POLG: variants seen among roughly 807,000 people sequenced by gnomAD.
The protein encoded by POLG is DNA polymerase subunit gamma-1.
In POLG, 110 loss-of-function variants were observed where a neutral mutation model predicts 155.4. The ratio of observed to expected loss-of-function variants is 0.71; its 90% CI spans 0.61 to 0.83. The LOEUF is 0.83. Ranked by LOEUF, POLG falls within the 40% of genes least tolerant of loss-of-function variation. The probability of loss-of-function intolerance (pLI) is 0.00; values close to 1 mark genes in which losing one functional copy is unlikely to be tolerated. For synonymous variants in POLG, 701 were observed against 631.5 expected (o/e 1.11, Z -1.65); for missense variants, 1,685 against 1,627.5 (o/e 1.04, Z -0.61).
In POLG at chr15:89,316,393, C is replaced by CT. The variant is rs1567182484; in HGVS notation, c.*357dup. The stretch of plus-strand genomic sequence containing the variant: ...GTTAGAGCATTAATTCTTTCCCCTT[C>CT]TAGGGCACTGCATCAGAGCATGGGG... On this transcript the variant is annotated 3_prime_UTR_variant, in exon 23 of 23. Transcript: ENST00000268124. 1 of 1,610,996 alleles carries CT rather than the reference C, an allele frequency of 6.2e-7. No individual in the cohort carries two copies. The highest frequency in any genetic ancestry group is 8.5e-7 in the Non-Finnish European group (1 of 1,178,248).
chr15:89,334,647 T>TCCCCGCCGCCGA (rs1209722587), intron 1 of POLG, 26 bp downstream of exon 1: 1 of 152,480 alleles, frequency 6.6e-6, no homozygotes, highest in South Asian at 2.1e-4. Flanking sequence ...CGACCCGGCC[T>TCCCCGCCGCCGA]CCCCGCCGCC....
Position 89,326,920 on chromosome 15 carries a change from T to A in POLG, c.1577A>T (p.Asp526Val). 6.2e-7 allele frequency: 1 copy of A among 1,614,116 alleles called. No homozygotes were observed. Among genetic ancestry groups the A allele is most frequent in the Non-Finnish European group, 8.5e-7 (1 of 1,180,012 alleles). Reference protein sequence around the residue: ...EGAGAPGDPMDQEDLGPCSEE... With the variant: ...EGAGAPGDPMVQEDLGPCSEE... ...CCACCCATGCTCCCCACCTTCCTGA[T>A]CCATGGGATCACCAGGGGCCCCAGC... Residue 526 changes from aspartate to valine, a missense_variant, in exon 8 of 23, where the codon GAT becomes GTT. Coordinates refer to ENST00000268124, the MANE Select transcript of POLG (RefSeq NM_002693.3).
At chr15:89,317,759 C>CA in intron 21 of POLG, 1 of 477,318 alleles carries the variant, frequency 2.1e-6, no homozygotes, top group Non-Finnish European at 3.8e-6. Context: ...ACTCAACATA[C>CA]TTTTTTTTTT....
Position 89,325,279 on chromosome 15 carries a change from AG to A in POLG, c.1949+170del, listed in dbSNP as rs1567190061. On this transcript the variant is annotated intron_variant, in intron 10 of 22. Coordinates refer to ENST00000268124, the MANE Select transcript of POLG (RefSeq NM_002693.3). ...GAGAGTGAGTGAGTGAGTGAGAGAGAGAGAAAGAGAGAGAGAGAGGGTGTGT... is the reference window on the plus strand; with the variant it reads ...GAGAGTGAGTGAGTGAGTGAGAGAGAAGAAAGAGAGAGAGAGAGGGTGTGT... Among the ~76,000 whole-genome samples, 113 of 107,438 alleles carry A rather than the reference AG, an allele frequency of 1.1e-3. 44 individuals are homozygous for A. Among genetic ancestry groups the A allele is most frequent in the African/African-American group, 4.6e-3 (103 of 22,194 alleles). 70.5% of individuals were successfully genotyped at this position (107,438 alleles called of 152,430 possible).
intron 18 of POLG, among the ~76,000 whole-genome samples, 183 bp downstream of exon 18, chr15:89,320,583 T>G (rs1265297103): frequency 6.6e-6 from 1 of 152,224 alleles, no homozygotes; most frequent in African/African-American, 2.4e-5. Flanking sequence ...AGGCTGACTA[T>G]AAAGCAACCA....
intron 18 of POLG, among the ~76,000 whole-genome samples, chr15:89,320,048 C>T (rs3176221): frequency 1.3e-5 from 2 of 152,226 alleles, no homozygotes; most frequent in African/African-American, 2.4e-5. Context: ...GAGCCTTACC[C>T]GACCTCACTT....
In POLG at chr15:89,316,726, G is replaced by A; in HGVS notation, c.*25C>T. 1.9e-6 allele frequency: 3 copies of A among 1,587,114 alleles called. No individual in the cohort carries two copies. The highest frequency in any genetic ancestry group is 2.2e-5 in the South Asian group (2 of 90,578). On this transcript the variant is annotated 3_prime_UTR_variant, in exon 23 of 23. Transcript: ENST00000268124. ...ACCACCCCGATGAAGCTCCACGGGA[G>A]CAAATACAGAGCCTCCAGGCAGTGC...
chr15:89,322,827 C>T lies in POLG; in HGVS notation c.2341G>A (p.Ala781Thr), dbSNP rs575660501. The change falls in exon 14 of 23, where the codon GCT becomes ACT. Residue 781 changes from alanine (A) to threonine (T), a missense_variant. By Grantham distance (58) the Ala-to-Thr change is moderately conservative. This residue lies in a region of POLG where 1,210 missense variants were observed against 1,167.1 expected (regional missense o/e 1.04). Coordinates refer to ENST00000268124, the MANE Select transcript of POLG (RefSeq NM_002693.3). ...GGCCCACTGGCACCTCCTGGGCCAG[C>T]CTGCAGGGTGCCATCCTCCATCTTG... ...LPKMEDGTLQ[A>T]GPGGASGPRA... The T allele has an allele frequency of 2.0e-5, 32 of 1,614,056 alleles. No homozygotes were observed. In the South Asian group the frequency reaches 3.2e-4, roughly 16 times the overall value.
In POLG at chr15:89,321,883, C is replaced by A. The variant is rs770109946; in HGVS notation, c.2481-30G>T. ...TGGGGTGCAGGGGAAGGAAATGGGT[C>A]TTAGCAGGGTGCTTTGGCCTTAGGA... is the stretch of plus-strand genomic sequence containing the variant. On this transcript the variant is annotated intron_variant, in intron 15 of 22. Transcript: ENST00000268124. The A allele has an allele frequency of 3.1e-6, 5 of 1,608,772 alleles. No homozygotes were observed. In the South Asian group the frequency reaches 4.4e-5, roughly 14 times the overall value.
chr15:89,320,748 T>C lies in POLG; in HGVS notation c.2981+18A>G. 6.2e-7 allele frequency: 1 copy of C among 1,611,732 alleles called. No homozygotes were observed. The highest frequency in any genetic ancestry group is 8.5e-7 in the Non-Finnish European group (1 of 1,179,822). On this transcript the variant is annotated intron_variant, in intron 18 of 22. Transcript: ENST00000268124. ...CTCGGGTCCTGGGTGTTAAAGTGGA[T>C]GGGAGAGGGACCCTCACCAGCGGAG... is the stretch of plus-strand genomic sequence containing the variant.
chr15:89,327,960 C>T (rs958153056), intron 6 of POLG, among the ~76,000 whole-genome samples: 5 of 152,100 alleles, frequency 3.3e-5, no homozygotes, highest in African/African-American at 1.2e-4. Context: ...GTATATAATA[C>T]GTATAACATA....
In POLG at chr15:89,333,599, C is replaced by G. The variant is rs587781117; in HGVS notation, c.156G>C (p.Gln52His). 1.9e-5 allele frequency: 26 copies of G among 1,343,820 alleles called. No homozygotes were observed. The highest frequency in any genetic ancestry group is 2.4e-5 in the Non-Finnish European group (23 of 977,356). The allele number at this position is 1,343,820 out of a possible 1,614,324, so 83.2% of individuals were successfully genotyped here. ...RQQQQQQQQQQQQQPQQPQVL... is the reference protein window; with the variant it reads ...RQQQQQQQQQHQQQPQQPQVL... ...CTTGCGGCTGCTGAGGCTGCTGTTG[C>G]TGCTGCTGCTGCTGCTGCTGCTGCT... Residue 52 changes from glutamine to histidine, a missense_variant, in exon 2 of 23, where the codon CAG becomes CAC. Physicochemically the swap from Gln to His is conservative, Grantham distance 24 (BLOSUM62 0). Around this residue, in one of 3 missense-constraint regions of POLG, gnomAD observed 1,210 missense variants for 1,167.1 expected, o/e 1.04. Transcript: ENST00000268124.
At chr15:89,325,047 AGTGAGT>A (rs2055455632) in intron 10 of POLG, among the ~76,000 whole-genome samples, 1 of 122,394 alleles carries the variant, frequency 8.2e-6, no homozygotes, top group African/African-American at 5.2e-5. Context: ...AGAGTGAGTG[AGTGAGT>A]GAGAGAGTGA....
At position 89,321,239 on chromosome 15, in the gene POLG, A is replaced by T. The variant is rs758402960; in HGVS notation, c.2620T>A (p.Leu874Met). The change falls in exon 17 of 23, where the codon TTG becomes ATG. Residue 874 changes from leucine to methionine, a missense_variant. Physicochemically the swap from Leu to Met is conservative, Grantham distance 15 (BLOSUM62 2). This residue lies in a region of POLG where 1,210 missense variants were observed against 1,167.1 expected (regional missense o/e 1.04). Coordinates refer to ENST00000268124, the MANE Select transcript of POLG (RefSeq NM_002693.3). ...GGTGGGGCCTGCACCATGGCTTTCA[A>T]CTCACTGCCTACTCGGTCAGGCTGT... is the stretch of plus-strand genomic sequence containing the variant. ...NARPDRVGSE[L>M]KAMVQAPPGY... 16 of 1,614,098 alleles carry T rather than the reference A, an allele frequency of 9.9e-6. No homozygotes were observed. The Middle Eastern group carries it at 5.0e-4, about 50-fold the overall frequency.
In POLG at chr15:89,318,531, C is replaced by T; in HGVS notation, c.3482+10G>A. 6.2e-7 allele frequency: 1 copy of T among 1,611,322 alleles called. No individual in the cohort carries two copies. Reference sequence around the variant, plus strand: ...ACATGGCCAGGCTAGAGGCCATGGGCCCCGCATACCTGGTCAAGAGGTTGG... The same window carrying T: ...ACATGGCCAGGCTAGAGGCCATGGGTCCCGCATACCTGGTCAAGAGGTTGG... On this transcript the variant is annotated intron_variant, in intron 21 of 22. Transcript: ENST00000268124.
chr15:89,323,691 G>T, intron 12 of POLG, 124 bp downstream of exon 12: 1 of 892,238 alleles, frequency 1.1e-6, no homozygotes, highest in Non-Finnish European at 1.9e-6. Context: ...CCTCCCAGGG[G>T]CAGGGTGGCA....
chr15:89,316,335 T>C lies in POLG; in HGVS notation c.*416A>G. ...AGATAGAGTCTTTTTTTTCCTTCTTTTTATTTCCACTGCCTTGGAGCAGGT... is the reference window on the plus strand; with the variant it reads ...AGATAGAGTCTTTTTTTTCCTTCTTCTTATTTCCACTGCCTTGGAGCAGGT... On this transcript the variant is annotated 3_prime_UTR_variant, in exon 23 of 23. Transcript: ENST00000268124. 3 of 1,521,614 alleles carry C rather than the reference T, an allele frequency of 2.0e-6. No homozygotes were observed. The highest frequency in any genetic ancestry group is 2.7e-6 in the Non-Finnish European group (3 of 1,113,072). 94.3% of individuals were successfully genotyped at this position (1,521,614 alleles called of 1,614,324 possible). A position where few individuals can be genotyped will look rare whatever the true frequency, so the allele number is the denominator to read the frequency against.
Position 89,323,831 on chromosome 15 carries a change from C to CCTGGCA in POLG, c.2135_2140dup (p.Val712_Pro713dup). The CCTGGCA allele has an allele frequency of 6.2e-7, 1 of 1,613,906 alleles. No homozygotes were observed. Among genetic ancestry groups the CCTGGCA allele is most frequent in the East Asian group, 2.2e-5 (1 of 44,880 alleles). ...ACTGCTCACCAGAGCTAGGGGTTGA[C>CCTGGCA]CTGGCACTGCAGCTCGCAAGTTCTC... On this transcript the variant is annotated inframe_insertion, in exon 12 of 23. Transcript: ENST00000268124.
intron 22 of POLG, chr15:89,317,105 CTATAGAA>C: frequency 1.7e-6 from 1 of 592,212 alleles, no homozygotes; most frequent in Non-Finnish European, 3.0e-6. Context: ...AGAATGCACT[CTATAGAA>C]TAAATTATCT....
Sources: gnomAD v4.1 joint callset for allele counts (sites outside exome capture counted in the v4.1 genomes callset) on GRCh38, gnomAD v4.1.1 for gene constraint, gnomAD v4.1.1 regional missense constraint, MANE v1.5 for transcripts, NCBI Gene and HGNC (gene_info 2026-07-23, HGNC 2026-07-21) for gene names.